Variants in RERE observed in about 807,000 individuals in gnomAD.
RERE encodes the protein arginine-glutamic acid dipeptide repeats.
RERE carries 40 observed loss-of-function variants against 146.1 expected under a neutral mutation model. The ratio of observed to expected loss-of-function variants is 0.27; its 90% confidence interval spans 0.21 to 0.36. RERE has a LOEUF of 0.36. Ranked by LOEUF, RERE falls within the 10% of genes least tolerant of loss-of-function variation. The probability of loss-of-function intolerance (pLI) is 1.00; values close to 1 mark genes in which losing one functional copy is unlikely to be tolerated. For missense variants in RERE, 1,933 were observed against 2,138.7 expected, an observed-to-expected ratio of 0.90 and a Z score of 1.90; for synonymous variants, 1,003 against 866.0, an observed-to-expected ratio of 1.16 and a Z score of -2.78.
chr1:8,507,645 G>A (rs1570362879), intron 8 of RERE, among the ~76,000 whole-genome samples: 1 of 151,884 alleles, frequency 6.6e-6, no homozygotes, highest in South Asian at 2.1e-4. Context: ...CCGATCTCAG[G>A]TGATCCGCCT....
intron 3 of RERE, among the ~76,000 whole-genome samples, chr1:8,618,812 T>C (rs879277696): frequency 2.6e-5 from 4 of 152,170 alleles, no homozygotes; most frequent in Non-Finnish European, 5.9e-5. Context: ...GGAGGAGAAA[T>C]AGCTTCTTGT....
intron 12 of RERE, among the ~76,000 whole-genome samples, chr1:8,415,285 A>T (rs1004106318): frequency 3.3e-5 from 5 of 152,240 alleles, no homozygotes; most frequent in Non-Finnish European, 7.3e-5. Flanking sequence ...CTAGCTAATA[A>T]AATGGTGCAG....
In RERE at chr1:8,605,845, C is replaced by CTTTTTTTTTTTT. The variant is rs60346942; in HGVS notation, c.522+8704_522+8715dup. On this transcript the variant is annotated intron_variant, in intron 4 of 22. Transcript: ENST00000400908. ...ACAAATTTAAGTGTTAAATACCAAA[C>CTTTTTTTTTTTT]TTTTTTTTTTTTTTTTTGAGACAGC... Among the ~76,000 whole-genome samples the CTTTTTTTTTTTT allele has an allele frequency of 5.5e-4, 51 of 93,212 alleles. 9 individuals are homozygous for CTTTTTTTTTTTT. The highest frequency in any genetic ancestry group is 6.9e-4 in the Non-Finnish European group (36 of 52,332). The allele number at this position is 93,212 out of a possible 152,430, so 61.2% of individuals were successfully genotyped here.
At chr1:8,410,892 C>T (rs1277368120) in intron 12 of RERE, among the ~76,000 whole-genome samples, 1 of 152,180 alleles carries the variant, frequency 6.6e-6, no homozygotes, top group East Asian at 1.9e-4. Context: ...ATTTTTCTCC[C>T]CATGCTCAAT....
intron 10 of RERE, among the ~76,000 whole-genome samples, chr1:8,485,619 G>A (rs1399147347): frequency 6.6e-6 from 1 of 152,060 alleles, no homozygotes; most frequent in Admixed American, 6.6e-5. Context: ...AGACAAAACA[G>A]ACTTCAAGAC....
At chr1:8,493,415 TCTTA>T (rs1570331948) in intron 10 of RERE, among the ~76,000 whole-genome samples, 1 of 152,216 alleles carries the variant, frequency 6.6e-6, no homozygotes, top group South Asian at 2.1e-4. Context: ...AAAAACATTC[TCTTA>T]TTTACAGAAT....
chr1:8,533,098 C>T (rs1449698710), intron 7 of RERE, among the ~76,000 whole-genome samples: 1 of 152,182 alleles, frequency 6.6e-6, no homozygotes, highest in Non-Finnish European at 1.5e-5. Flanking sequence ...TAAAAACTGC[C>T]TTTAAAGGGA....
chr1:8,414,891 T>C (rs1482237580), intron 12 of RERE, among the ~76,000 whole-genome samples: 3 of 152,166 alleles, frequency 2.0e-5, no homozygotes, highest in Non-Finnish European at 2.9e-5. Context: ...GCCTTTCCCA[T>C]GCTGAGCAGC....
intron 4 of RERE, among the ~76,000 whole-genome samples, chr1:8,614,234 A>G (rs539627225): frequency 3.2e-4 from 49 of 152,298 alleles, no homozygotes; most frequent in African/African-American, 1.2e-3. Context: ...ACTTGAGCTC[A>G]AACTTACCCC....
intron 7 of RERE, among the ~76,000 whole-genome samples, chr1:8,532,190 T>G (rs1645663005): frequency 6.6e-6 from 1 of 152,258 alleles, no homozygotes. Flanking sequence ...CATGCATATT[T>G]ACCTTGCTAG....
At chr1:8,534,289 A>G (rs185020097) in intron 7 of RERE, among the ~76,000 whole-genome samples, 22 of 152,380 alleles carry the variant, frequency 1.4e-4, no homozygotes, top group Non-Finnish European at 1.6e-4. Context: ...ATTAAGAAAT[A>G]AAGACATTAA....
intron 7 of RERE, among the ~76,000 whole-genome samples, chr1:8,535,633 G>A (rs771283518): frequency 6.6e-6 from 1 of 152,142 alleles, no homozygotes; most frequent in Non-Finnish European, 1.5e-5. Context: ...TAACATTATT[G>A]CAGTTGTCAG....
At chr1:8,707,182 G>A (rs1312278719) in intron 1 of RERE, among the ~76,000 whole-genome samples, 1 of 152,174 alleles carries the variant, frequency 6.6e-6, no homozygotes, top group Non-Finnish European at 1.5e-5. Context: ...GATAATGAGA[G>A]GAGACAACAG....
chr1:8,451,238 C>T (rs1644386994), intron 11 of RERE, among the ~76,000 whole-genome samples: 1 of 152,166 alleles, frequency 6.6e-6, no homozygotes, highest in Admixed American at 6.5e-5. Flanking sequence ...GGAGACTAGC[C>T]TGGCCAACAT....
intron 4 of RERE, among the ~76,000 whole-genome samples, chr1:8,587,544 T>A (rs1646440849): frequency 1.3e-5 from 2 of 152,206 alleles, no homozygotes; most frequent in Non-Finnish European, 2.9e-5. Flanking sequence ...AGACCCCTCA[T>A]ACAGTTCATG....
intron 11 of RERE, among the ~76,000 whole-genome samples, chr1:8,443,459 G>GAAAAAAAAAAAAA (rs144499944): frequency 1.3e-4 from 15 of 112,744 alleles, no homozygotes; most frequent in Admixed American, 4.1e-4. Flanking sequence ...CTCAAAAAAA[G>GAAAAAAAAAAAAA]AAAAAAAAAA....
At chr1:8,398,538 G>A (rs1317895071) in intron 12 of RERE, among the ~76,000 whole-genome samples, 1 of 152,144 alleles carries the variant, frequency 6.6e-6, no homozygotes, top group Non-Finnish European at 1.5e-5. Flanking sequence ...AATTAATCAC[G>A]TAGTGCTTCT....
Position 8,398,541 on chromosome 1 carries a change from G to A in RERE, c.1284+24186C>T, listed in dbSNP as rs903160293. Among the ~76,000 whole-genome samples the A allele has an allele frequency of 3.3e-5, 5 of 152,140 alleles. No homozygotes were observed. In the South Asian group the frequency reaches 1.0e-3, roughly 31 times the overall value. On this transcript the variant is annotated intron_variant, in intron 12 of 22. Transcript: ENST00000400908. ...AATTTATTTGGCAATTAATCACGTA[G>A]TGCTTCTAACATCTGTTATCAGTCT...
chr1:8,411,867 A>G (rs986683078), intron 12 of RERE, among the ~76,000 whole-genome samples: 4 of 152,194 alleles, frequency 2.6e-5, no homozygotes, highest in African/African-American at 9.7e-5. Context: ...CTAGCCATCT[A>G]TACAGATTCA....
Sources: gnomAD v4.1 joint callset for allele counts (sites outside exome capture counted in the v4.1 genomes callset) on GRCh38, gnomAD v4.1.1 for gene constraint, MANE v1.5 for transcripts, NCBI Gene and HGNC (gene_info 2026-07-23, HGNC 2026-07-21) for gene names.